Variants in ALK observed in about 807,000 individuals in gnomAD.
ALK encodes the protein ALK receptor tyrosine kinase, also known as ALK tyrosine kinase receptor.
ALK carries 74 observed loss-of-function variants against 163.1 expected under a neutral mutation model. The observed-to-expected ratio is 0.45, with a 90% CI of 0.38 to 0.55. The LOEUF (loss-of-function observed/expected upper bound fraction) is 0.55. Among genes scored for constraint, ALK ranks in the 20% least tolerant of loss-of-function variants. ALK has a pLI of 0.00. For synonymous variants in ALK, 960 were observed against 843.2 expected (o/e 1.14, Z -2.40); for missense variants, 2,063 against 2,105.3 (o/e 0.98, Z 0.39).
intron 1 of ALK, among the ~76,000 whole-genome samples, chr2:29,779,109 T>A (rs1480045273): frequency 6.6e-6 from 1 of 151,630 alleles, no homozygotes; most frequent in Non-Finnish European, 1.5e-5. Flanking sequence ...TGAGCCGAGA[T>A]CGTGCCACTG....
chr2:29,382,201 G>T (rs559085367), intron 5 of ALK, among the ~76,000 whole-genome samples: 3 of 152,312 alleles, frequency 2.0e-5, no homozygotes, highest in African/African-American at 7.2e-5. Context: ...TGCCCTGCCA[G>T]CGGAGACTTT....
At chr2:29,226,199 C>A (rs938454277) in intron 18 of ALK, among the ~76,000 whole-genome samples, 1 of 152,004 alleles carries the variant, frequency 6.6e-6, no homozygotes, top group South Asian at 2.1e-4. Flanking sequence ...GAGGATGGGG[C>A]CAGGTGCGGT....
At chr2:29,259,610 T>C (rs182657975) in intron 11 of ALK, among the ~76,000 whole-genome samples, 1 of 152,252 alleles carries the variant, frequency 6.6e-6, no homozygotes, top group African/African-American at 2.4e-5. Flanking sequence ...CAAAAACTGA[T>C]AATTTTAAAT....
At chr2:29,812,428 G>C (rs192337928) in intron 1 of ALK, among the ~76,000 whole-genome samples, 14 of 152,174 alleles carry the variant, frequency 9.2e-5, no homozygotes, top group African/African-American at 3.1e-4. Flanking sequence ...ATTAGGTCTC[G>C]GGGCACTGGG....
chr2:29,797,772 A>G (rs1458446053), intron 1 of ALK, among the ~76,000 whole-genome samples: 1 of 152,174 alleles, frequency 6.6e-6, no homozygotes, highest in Non-Finnish European at 1.5e-5. Flanking sequence ...GTGCTAAACA[A>G]ATATTTGTTG....
At chr2:29,856,745 A>G (rs1008279739) in intron 1 of ALK, among the ~76,000 whole-genome samples, 1 of 152,218 alleles carries the variant, frequency 6.6e-6, no homozygotes, top group African/African-American at 2.4e-5. Context: ...GTGGAGAAGC[A>G]ACATGGGTGA....
At chr2:29,315,954 A>G (rs1394908687) in intron 8 of ALK, among the ~76,000 whole-genome samples, 2 of 152,136 alleles carry the variant, frequency 1.3e-5, no homozygotes, top group Non-Finnish European at 2.9e-5. Flanking sequence ...AACTCTGCCT[A>G]GTGTCCATCT....
At chr2:29,590,259 T>C (rs1675009565) in intron 3 of ALK, among the ~76,000 whole-genome samples, 1 of 152,228 alleles carries the variant, frequency 6.6e-6, no homozygotes, top group Non-Finnish European at 1.5e-5. Context: ...TATATTTTAA[T>C]TGATTGAAAA....
intron 19 of ALK, among the ~76,000 whole-genome samples, chr2:29,225,182 G>A (rs1395706365): frequency 6.6e-6 from 1 of 152,068 alleles, no homozygotes; most frequent in Non-Finnish European, 1.5e-5. Context: ...CCATCGTGAT[G>A]GACACTGAAG....
chr2:29,678,757 TA>T (rs1426036287), intron 3 of ALK, among the ~76,000 whole-genome samples: 3 of 141,570 alleles, frequency 2.1e-5, no homozygotes, highest in Non-Finnish European at 4.7e-5. Flanking sequence ...TATAATTTTA[TA>T]CTTGTATAAT....
chr2:29,818,777 G>C (rs539886842), intron 1 of ALK, among the ~76,000 whole-genome samples: 80 of 152,378 alleles, frequency 5.3e-4, no homozygotes, highest in Non-Finnish European at 5.9e-5. Context: ...TGGGGCTGCA[G>C]AGATATCATT....
In ALK at chr2:29,246,316, TCTCA is replaced by T. The variant is rs1664669032; in HGVS notation, c.2204+4785_2204+4788del. Among the ~76,000 whole-genome samples the T allele has an allele frequency of 6.6e-6, 1 of 151,994 alleles. No homozygotes were observed. Among genetic ancestry groups the T allele is most frequent in the African/African-American group, 2.4e-5 (1 of 41,354 alleles). On this transcript the variant is annotated intron_variant, in intron 12 of 28. Transcript: ENST00000389048. The surrounding 1 kb of genome is among the most constrained non-coding windows in gnomAD (Gnocchi z 4.3). ...TGCCTGTGGCAGGCCACCCGTGGGC[TCTCA>T]CTGAGTCCCCCAACAGCCCTCTCAG...
chr2:29,665,418 T>C lies in ALK; in HGVS notation c.952+29432A>G, dbSNP rs530721333. On this transcript the variant is annotated intron_variant, in intron 3 of 28. Coordinates refer to ENST00000389048, the MANE Select transcript of ALK (RefSeq NM_004304.5). ...TGTTTAAACTTGATTACAGCAATAA[T>C]CACAGCAAGTTTAATGTGTCTGTCA... is the stretch of plus-strand genomic sequence containing the variant. 1.6e-4 allele frequency among the ~76,000 whole-genome samples: 24 copies of C among 152,292 alleles called. 1 individual carries two copies. The South Asian group carries it at 4.6e-3, about 29-fold the overall frequency.
chr2:29,238,133 C>T (rs1664430328), intron 13 of ALK, among the ~76,000 whole-genome samples: 2 of 152,170 alleles, frequency 1.3e-5, no homozygotes, highest in East Asian at 1.9e-4. Flanking sequence ...GGCAACTCCC[C>T]GCTGCCCCCA....
chr2:29,249,076 G>C (rs960957404), intron 12 of ALK, among the ~76,000 whole-genome samples: 1 of 152,202 alleles, frequency 6.6e-6, no homozygotes, highest in African/African-American at 2.4e-5. Flanking sequence ...GCCACTTACA[G>C]ATGGGAAAAC....
chr2:29,919,602 A>T (rs1667930314), intron 1 of ALK, among the ~76,000 whole-genome samples: 1 of 152,140 alleles, frequency 6.6e-6, no homozygotes, highest in African/African-American at 2.4e-5. Context: ...CAGGAACAAG[A>T]GGGAGAGAAG....
At chr2:29,632,750 T>G (rs1020675092) in intron 3 of ALK, among the ~76,000 whole-genome samples, 1 of 152,206 alleles carries the variant, frequency 6.6e-6, no homozygotes, top group Non-Finnish European at 1.5e-5. Flanking sequence ...TCCACATGGC[T>G]GGGGACGCCT....
chr2:29,829,980 T>C (rs1665320441), intron 1 of ALK, among the ~76,000 whole-genome samples: 1 of 152,230 alleles, frequency 6.6e-6, no homozygotes, highest in Non-Finnish European at 1.5e-5. Context: ...GCTGTCTCTC[T>C]GCAAGGTTTT....
chr2:29,472,080 C>G (rs1386651886), intron 4 of ALK, among the ~76,000 whole-genome samples: 1 of 152,160 alleles, frequency 6.6e-6, no homozygotes, highest in Non-Finnish European at 1.5e-5. Context: ...ACAGGTGGCA[C>G]CTGGCTGTCT....
Sources: gnomAD v4.1 joint callset for allele counts (sites outside exome capture counted in the v4.1 genomes callset) on GRCh38, gnomAD v4.1.1 for gene constraint, Gnocchi (gnomAD v3.1) non-coding constraint, MANE v1.5 for transcripts, NCBI Gene and HGNC (gene_info 2026-07-23, HGNC 2026-07-21) for gene names.